GSTCD: variants seen among roughly 807,000 people sequenced by gnomAD.
The protein encoded by GSTCD is glutathione S-transferase C-terminal domain containing, also known as glutathione S-transferase C-terminal domain-containing protein.
GSTCD carries 44 observed loss-of-function variants against 68.3 expected under a neutral mutation model. The ratio of observed to expected loss-of-function variants is 0.64; its 90% confidence interval spans 0.51 to 0.83. The LOEUF (loss-of-function observed/expected upper bound fraction) is 0.83. Among genes scored for constraint, GSTCD ranks in the 40% least tolerant of loss-of-function variants. GSTCD has a pLI of 0.00. For missense variants in GSTCD, 739 were observed against 735.9 expected, an observed-to-expected ratio of 1.00 and a Z score of -0.05; for synonymous variants, 273 against 255.2, an observed-to-expected ratio of 1.07 and a Z score of -0.67.
intron 5 of GSTCD, among the ~76,000 whole-genome samples, chr4:105,774,687 C>T (rs1734984574): frequency 6.6e-6 from 1 of 152,206 alleles, no homozygotes; most frequent in Non-Finnish European, 1.5e-5. Flanking sequence ...TCCCCACTCT[C>T]TTCTGGCTTG....
chr4:105,837,416 C>T (rs554552307), intron 9 of GSTCD, among the ~76,000 whole-genome samples: 1 of 152,270 alleles, frequency 6.6e-6, no homozygotes. Context: ...CCATGGAAAC[C>T]GCCTCCTGAC....
At chr4:105,824,799 C>A (rs375034080) in intron 7 of GSTCD, among the ~76,000 whole-genome samples, 15 of 152,168 alleles carry the variant, frequency 9.9e-5, no homozygotes, top group African/African-American at 2.7e-4. Flanking sequence ...ACTACTATCA[C>A]CATGACACAC....
intron 5 of GSTCD, among the ~76,000 whole-genome samples, chr4:105,736,353 C>G (rs575106648): frequency 3.3e-3 from 509 of 152,130 alleles, no homozygotes; most frequent in Middle Eastern, 0.014. Context: ...AGGGTAAATT[C>G]CTACAGAAAG....
intron 5 of GSTCD, chr4:105,761,635 A>T (rs1470242155): frequency 6.6e-6 from 1 of 152,034 alleles, no homozygotes; most frequent in African/African-American, 2.4e-5. Context: ...CTCCTTGACC[A>T]TCATTTTTTT....
Position 105,717,806 on chromosome 4 carries a change from G to C in GSTCD, c.193G>C (p.Asp65His). 1 of 1,613,990 alleles carries C rather than the reference G, an allele frequency of 6.2e-7. No homozygotes were observed. The highest frequency in any genetic ancestry group is 8.5e-7 in the Non-Finnish European group (1 of 1,179,888). Residue 65 changes from aspartate (D) to histidine (H), a missense_variant, in exon 2 of 12, where the codon GAT (aspartate) becomes CAT (histidine). Transcript: ENST00000515279. ...GAGTAGAGATAGTTCACTACTAAGA[G>C]ATGACCTGATCCAGGATGTTGAAAT... is the stretch of plus-strand genomic sequence containing the variant. ...EVSRDSSLLRDDLIQDVEIQI... is the reference protein window; with the variant it reads ...EVSRDSSLLRHDLIQDVEIQI...
At position 105,773,327 on chromosome 4, in the gene GSTCD, T is replaced by C. The variant is rs150706077; in HGVS notation, c.1240+43828T>C. ...ATCCAGCTCCTGGATTCATTGATTT[T>C]TTTTGAAGGGTTTTTCATGTCTCTG... On this transcript the variant is annotated intron_variant, in intron 5 of 11. Transcript: ENST00000515279. Among the ~76,000 whole-genome samples the C allele has an allele frequency of 2.4e-3, 370 of 152,278 alleles. 2 individuals are homozygous for C. The highest frequency in any genetic ancestry group is 8.6e-3 in the African/African-American group (359 of 41,570).
chr4:105,806,532 G>C (rs1203147792), intron 5 of GSTCD, among the ~76,000 whole-genome samples: 1 of 151,940 alleles, frequency 6.6e-6, no homozygotes, highest in Non-Finnish European at 1.5e-5. Flanking sequence ...GAATATCCAA[G>C]TCTCTATGTT....
chr4:105,735,984 C>A (rs1733449410), intron 5 of GSTCD, among the ~76,000 whole-genome samples: 2 of 151,948 alleles, frequency 1.3e-5, no homozygotes, highest in South Asian at 4.2e-4. Context: ...ATTTATAATC[C>A]ATTTTCTCCG....
intron 3 of GSTCD, among the ~76,000 whole-genome samples, chr4:105,726,209 C>T (rs72671856): frequency 0.054 from 8,148 of 151,986 alleles, 252 homozygotes; most frequent in Middle Eastern, 0.14. Context: ...AAGAAACAAA[C>T]GATTGGTCAA....
chr4:105,814,350 C>A (rs1034135368), intron 5 of GSTCD, among the ~76,000 whole-genome samples: 2 of 152,186 alleles, frequency 1.3e-5, no homozygotes, highest in African/African-American at 4.8e-5. Flanking sequence ...TGGTGGCTCA[C>A]ACCTGTAATC....
chr4:105,727,145 C>G (rs565047123), intron 4 of GSTCD, among the ~76,000 whole-genome samples: 1 of 144,680 alleles, frequency 6.9e-6, no homozygotes, highest in Non-Finnish European at 1.5e-5. Flanking sequence ...CATACCTGGT[C>G]AAGTATACTA....
intron 5 of GSTCD, among the ~76,000 whole-genome samples, chr4:105,800,430 C>A (rs1311720069): frequency 1.3e-5 from 2 of 152,092 alleles, no homozygotes; most frequent in African/African-American, 2.4e-5. Flanking sequence ...ACAGCCAAAC[C>A]ATATCAATAC....
chr4:105,838,459 G>A (rs927078901), intron 10 of GSTCD, among the ~76,000 whole-genome samples: 12 of 152,200 alleles, frequency 7.9e-5, no homozygotes, highest in African/African-American at 2.7e-4. Context: ...CATTGTCCTT[G>A]ACATTCTTAT....
intron 4 of GSTCD, among the ~76,000 whole-genome samples, chr4:105,729,117 A>T (rs1728964301): frequency 1.3e-5 from 2 of 152,064 alleles, no homozygotes; most frequent in Non-Finnish European, 2.9e-5. Flanking sequence ...TTTGATATCC[A>T]ATATATTTCT....
At chr4:105,755,945 AC>A (rs1476086776) in intron 5 of GSTCD, among the ~76,000 whole-genome samples, 2 of 152,206 alleles carry the variant, frequency 1.3e-5, no homozygotes, top group Non-Finnish European at 2.9e-5. Flanking sequence ...TGATATGGGT[AC>A]ATGGTTCCCA....
chr4:105,833,474 A>C (rs1205618771), intron 8 of GSTCD, among the ~76,000 whole-genome samples: 2 of 152,182 alleles, frequency 1.3e-5, no homozygotes, highest in Non-Finnish European at 2.9e-5. Context: ...AAAAAAAAAA[A>C]AAAGTTTCTA....
At chr4:105,761,789 G>A (rs1734420998) in intron 5 of GSTCD, 1 of 152,130 alleles carries the variant, frequency 6.6e-6, no homozygotes, top group Non-Finnish European at 1.5e-5. Context: ...AGTTGTCAAG[G>A]GCTCATTAAC....
At chr4:105,730,846 G>C (rs528849432) in intron 5 of GSTCD, among the ~76,000 whole-genome samples, 1 of 152,110 alleles carries the variant, frequency 6.6e-6, no homozygotes. Flanking sequence ...GTATTGCCTA[G>C]GTTTTCTTCT....
chr4:105,791,410 G>A lies in GSTCD; in HGVS notation c.1241-31544G>A, dbSNP rs867672763. ...TCCGTCTCAAAAAAAAAAAAAAAAA[G>A]AAAAAAGGAACAAGGAATGATAAGA... On this transcript the variant is annotated intron_variant, in intron 5 of 11. Transcript: ENST00000515279. Among the ~76,000 whole-genome samples, 1,175 of 135,440 alleles carry A rather than the reference G, an allele frequency of 8.7e-3. 13 individuals carry two copies. Among genetic ancestry groups the A allele is most frequent in the Middle Eastern group, 0.018 (4 of 220 alleles). 88.9% of individuals were successfully genotyped at this position (135,440 alleles called of 152,430 possible).
Sources: allele counts gnomAD v4.1 joint callset (sites outside exome capture counted in the v4.1 genomes callset), GRCh38; gene constraint gnomAD v4.1.1; transcripts MANE v1.5; gene names NCBI Gene and HGNC (gene_info 2026-07-23, HGNC 2026-07-21).